Variants in MLLT10 observed in about 807,000 individuals in gnomAD.
MLLT10 encodes MLLT10 histone lysine methyltransferase DOT1L cofactor.
In MLLT10, 30 loss-of-function variants were observed where a neutral mutation model predicts 129.1. That is an observed-to-expected ratio of 0.23 (90% confidence interval 0.17 to 0.32). The LOEUF (loss-of-function observed/expected upper bound fraction) is 0.32, where lower values mean the gene tolerates loss of function less well. MLLT10 is among the 10% of genes least tolerant of loss of function. The pLI is 1.00. For missense variants in MLLT10, 1,119 were observed against 1,268.3 expected (o/e 0.88, Z 1.79); for synonymous variants, 490 against 446.4 (o/e 1.10, Z -1.23).
chr10:21,584,408 C>T (rs2041791672), intron 3 of MLLT10, among the ~76,000 whole-genome samples: 1 of 151,944 alleles, frequency 6.6e-6, no homozygotes, highest in East Asian at 1.9e-4. Flanking sequence ...CGTGATCCAC[C>T]CGCCTTGGCC....
chr10:21,701,284 ATT>A (rs57132583), intron 13 of MLLT10, among the ~76,000 whole-genome samples: 94 of 123,932 alleles, frequency 7.6e-4, no homozygotes, highest in African/African-American at 2.2e-3. Flanking sequence ...CATTTCATTG[ATT>A]TTTTTTTTTT....
At chr10:21,728,427 T>C (rs1480000021) in intron 16 of MLLT10, among the ~76,000 whole-genome samples, 1 of 152,250 alleles carries the variant, frequency 6.6e-6, no homozygotes, top group African/African-American at 2.4e-5. Flanking sequence ...TTTATGACAG[T>C]ATTCAGGTAC....
chr10:21,535,022 G>A (rs1453919133), intron 2 of MLLT10, among the ~76,000 whole-genome samples: 1 of 149,596 alleles, frequency 6.7e-6, no homozygotes. Context: ...TCTCTCAAGT[G>A]TCATTCGGCC....
At chr10:21,629,361 C>T (rs2046788350) in intron 8 of MLLT10, among the ~76,000 whole-genome samples, 1 of 151,658 alleles carries the variant, frequency 6.6e-6, no homozygotes, top group Admixed American at 6.6e-5. Flanking sequence ...ATAACATTTG[C>T]CATTTTAACC....
intron 9 of MLLT10, among the ~76,000 whole-genome samples, chr10:21,654,687 T>C (rs2049377459): frequency 6.6e-6 from 1 of 152,228 alleles, no homozygotes; most frequent in Admixed American, 6.5e-5. Flanking sequence ...TTCTTGTCCA[T>C]CTCTATGGAC....
chr10:21,670,455 A>G lies in MLLT10; in HGVS notation c.802A>G (p.Thr268Ala). The change falls in exon 10 of 23, where the codon ACA becomes GCA. Residue 268 changes from threonine to alanine, a missense_variant. This residue lies in a region of MLLT10 where 1,004 missense variants were observed against 1,008.7 expected (regional missense o/e 1.00). Coordinates refer to ENST00000307729, the MANE Select transcript of MLLT10 (RefSeq NM_001195626.3). ...TTTTGAATCAAAATGTTAGACTTAT[A>G]CAAGCACTAGCAACAACTCTATATC... ...SLTVTTEKTY[T>A]STSNNSISGS... 2 of 1,609,372 alleles carry G rather than the reference A, an allele frequency of 1.2e-6. No individual in the cohort carries two copies. The highest frequency in any genetic ancestry group is 1.3e-5 in the African/African-American group (1 of 74,802).
chr10:21,614,985 CTG>C (rs1475354909), intron 7 of MLLT10, 61 bp downstream of exon 7: 39 of 1,348,508 alleles, frequency 2.9e-5, no homozygotes, highest in Non-Finnish European at 3.6e-5. Context: ...TAGAATGACA[CTG>C]TTTTATTAAA....
intron 13 of MLLT10, among the ~76,000 whole-genome samples, chr10:21,701,406 G>A (rs2054898712): frequency 6.6e-6 from 1 of 150,954 alleles, no homozygotes; most frequent in African/African-American, 2.4e-5. Context: ...TGCATCATTA[G>A]ATTGTTTATT....
intron 8 of MLLT10, among the ~76,000 whole-genome samples, chr10:21,650,664 C>T (rs531143761): frequency 9.2e-5 from 14 of 152,148 alleles, no homozygotes; most frequent in African/African-American, 3.4e-4. Flanking sequence ...TAGTAAATTT[C>T]ACACCCAATA....
At chr10:21,660,373 T>C (rs2050055789) in intron 9 of MLLT10, among the ~76,000 whole-genome samples, 1 of 151,674 alleles carries the variant, frequency 6.6e-6, no homozygotes, top group Admixed American at 6.6e-5. Flanking sequence ...CCCAGCACTT[T>C]AGGAGGCTGA....
intron 16 of MLLT10, among the ~76,000 whole-genome samples, chr10:21,729,144 A>G (rs1399023021): frequency 6.6e-6 from 1 of 152,174 alleles, no homozygotes; most frequent in African/African-American, 2.4e-5. Flanking sequence ...CTGAAGAACA[A>G]TGATAACATG....
Position 21,732,959 on chromosome 10 carries a change from A to G in MLLT10, c.2279A>G (p.Gln760Arg). Residue 760 changes from glutamine to arginine, a missense_variant, in exon 18 of 23, where the codon CAA becomes CGA. Around this residue, in one of 5 missense-constraint regions of MLLT10, gnomAD observed 1,004 missense variants for 1,008.7 expected, o/e 1.00. Transcript: ENST00000307729. Reference sequence around the variant, plus strand: ...GTTGAAAACCGAAGATTAGAGGAACAAATTAAAAACTTGACTGCCAAAAAG... The same window carrying G: ...GTTGAAAACCGAAGATTAGAGGAACGAATTAAAAACTTGACTGCCAAAAAG... ...LQVENRRLEE[Q>R]IKNLTAKKER... 1 of 1,614,122 alleles carries G rather than the reference A, an allele frequency of 6.2e-7. No homozygotes were observed. Among genetic ancestry groups the G allele is most frequent in the Non-Finnish European group, 8.5e-7 (1 of 1,180,008 alleles).
intron 8 of MLLT10, among the ~76,000 whole-genome samples, chr10:21,643,822 A>G (rs1177883501): frequency 1.3e-5 from 2 of 152,168 alleles, no homozygotes; most frequent in African/African-American, 2.4e-5. Context: ...TTATGTTTGA[A>G]TATACCTTCT....
At chr10:21,731,315 A>G (rs562745880) in intron 17 of MLLT10, among the ~76,000 whole-genome samples, 11 of 152,054 alleles carry the variant, frequency 7.2e-5, no homozygotes, top group Admixed American at 1.3e-4. Flanking sequence ...TTAATCTCCT[A>G]TTTTTACAAT....
chr10:21,699,715 G>A (rs552518645), intron 13 of MLLT10, among the ~76,000 whole-genome samples: 4 of 151,564 alleles, frequency 2.6e-5, no homozygotes, highest in Non-Finnish European at 5.9e-5. Context: ...TTATTGCTGG[G>A]TTCTCTATTC....
chr10:21,642,351 T>TA (rs910942096), intron 8 of MLLT10, among the ~76,000 whole-genome samples: 1 of 140,690 alleles, frequency 7.1e-6, no homozygotes, highest in Non-Finnish European at 1.5e-5. Flanking sequence ...AAACTCCGTT[T>TA]AAAAAACAAA....
At position 21,597,575 on chromosome 10, in the gene MLLT10, T is replaced by C. The variant is rs544934215; in HGVS notation, c.405+2135T>C. ...TTAGTAAAGACAGGCTCTTGCCATGTTGGCCAGGCTGCTCTCGAACTCCTG... is the reference window on the plus strand; with the variant it reads ...TTAGTAAAGACAGGCTCTTGCCATGCTGGCCAGGCTGCTCTCGAACTCCTG... On this transcript the variant is annotated intron_variant, in intron 5 of 22. Transcript: ENST00000307729. Among the ~76,000 whole-genome samples the C allele has an allele frequency of 3.0e-3, 460 of 152,326 alleles. 4 individuals carry two copies. Among genetic ancestry groups the C allele is most frequent in the Non-Finnish European group, 4.5e-3 (309 of 68,034 alleles).
At position 21,726,316 on chromosome 10, in the gene MLLT10, A is replaced by G. The variant is rs137946053; in HGVS notation, c.1951A>G (p.Met651Val). Residue 651 changes from methionine to valine, a missense_variant, in exon 15 of 23, where the codon ATG becomes GTG. Transcript: ENST00000307729. Reference sequence around the variant, plus strand: ...GTATGGCAATAGATCAAATTCATCAATGGCAGCTCTTATAGCTCAGTCTGA... The same window carrying G: ...GTATGGCAATAGATCAAATTCATCAGTGGCAGCTCTTATAGCTCAGTCTGA... ...HMYGNRSNSS[M>V]AALIAQSENN... 1,676 of 1,613,168 alleles carry G rather than the reference A, an allele frequency of 1.0e-3. 18 individuals carry two copies. The Admixed American group carries it at 0.012, about 11-fold the overall frequency.
At chr10:21,614,987 G>C in intron 7 of MLLT10, 63 bp downstream of exon 7, 2 of 1,337,896 alleles carry the variant, frequency 1.5e-6, no homozygotes, top group East Asian at 4.7e-5. Context: ...GAATGACACT[G>C]TTTTATTAAA....
Sources: gnomAD v4.1 joint callset for allele counts (sites outside exome capture counted in the v4.1 genomes callset) on GRCh38, gnomAD v4.1.1 for gene constraint, gnomAD v4.1.1 regional missense constraint, MANE v1.5 for transcripts, NCBI Gene and HGNC (gene_info 2026-07-23, HGNC 2026-07-21) for gene names.